Variants in PSD3 observed in about 807,000 individuals in gnomAD.
PSD3 encodes the protein pleckstrin and Sec7 domain containing 3, also known as PH and SEC7 domain-containing protein 3.
A neutral mutation model predicts 105.5 loss-of-function variants in PSD3; 49 were observed. The ratio of observed to expected loss-of-function variants is 0.46; its 90% CI spans 0.37 to 0.59. The LOEUF (loss-of-function observed/expected upper bound fraction) is 0.59. PSD3 is among the 20% of genes least tolerant of loss of function. The pLI is 0.00. For synonymous variants in PSD3, 557 were observed against 457.8 expected, an observed-to-expected ratio of 1.22 and a Z score of -2.77; for missense variants, 1,561 against 1,263.8, an observed-to-expected ratio of 1.24 and a Z score of -3.57.
intron 4 of PSD3, among the ~76,000 whole-genome samples, chr8:18,819,298 TA>T (rs1812491550): frequency 1.3e-5 from 2 of 152,000 alleles, no homozygotes; most frequent in Non-Finnish European, 1.5e-5. Context: ...AAGGAGAGGA[TA>T]AAGTAACAGG....
At position 18,771,292 on chromosome 8, in the gene PSD3, C is replaced by G. The variant is rs373330347; in HGVS notation, c.2083-5754G>C. Reference sequence around the variant, plus strand: ...TTGAGGGTGCAGCCCTCACTGGGGACCCATCCTCTTCTGCCCAGAATTTCC... The same window carrying G: ...TTGAGGGTGCAGCCCTCACTGGGGAGCCATCCTCTTCTGCCCAGAATTTCC... On this transcript the variant is annotated intron_variant, in intron 8 of 15. Coordinates refer to ENST00000327040, the MANE Select transcript of PSD3 (RefSeq NM_015310.4). Among the ~76,000 whole-genome samples the G allele has an allele frequency of 2.6e-4, 39 of 152,312 alleles. 2 individuals are homozygous for G. The highest frequency in any genetic ancestry group is 1.6e-3 in the Admixed American group (24 of 15,304).
upstream of PSD3, among the ~76,000 whole-genome samples, chr8:19,016,696 T>C (rs1827188557): frequency 2.0e-5 from 3 of 152,194 alleles, no homozygotes; most frequent in African/African-American, 7.2e-5. Context: ...ACTAGGTAAT[T>C]AATAAAGAAA....
Position 18,999,475 on chromosome 8 carries a change from C to A in PSD3, c.21+14088G>T, listed in dbSNP as rs576233213. ...TTACCAAGAATCAGTTGTGTTTGCA[C>A]CTGAATGGATTTGTCCTGGTTGTAC... On this transcript the variant is annotated intron_variant, in intron 1 of 15. Coordinates refer to ENST00000327040, the MANE Select transcript of PSD3 (RefSeq NM_015310.4). 9.9e-5 allele frequency among the ~76,000 whole-genome samples: 15 copies of A among 151,922 alleles called. 1 individual carries two copies. The highest frequency in any genetic ancestry group is 1.9e-4 in the Non-Finnish European group (13 of 67,938).
intron 10 of PSD3, among the ~76,000 whole-genome samples, chr8:18,636,396 A>C (rs1440697139): frequency 6.6e-6 from 1 of 152,226 alleles, no homozygotes; most frequent in African/African-American, 2.4e-5. Context: ...TTATTACCAA[A>C]AAGTTAAAAA....
intron 4 of PSD3, among the ~76,000 whole-genome samples, chr8:18,810,196 C>T (rs1811578030): frequency 6.6e-6 from 1 of 152,184 alleles, no homozygotes; most frequent in South Asian, 2.1e-4. Flanking sequence ...AATCTCATCG[C>T]TTTCACCTAC....
intron 1 of PSD3, among the ~76,000 whole-genome samples, chr8:18,976,632 C>T (rs1024100229): frequency 1.3e-5 from 2 of 152,086 alleles, no homozygotes; most frequent in African/African-American, 2.4e-5. Flanking sequence ...GGGATAATAA[C>T]AATAATCTAC....
At chr8:19,058,682 T>C (rs1432017053) in intron 1 of PSD3, among the ~76,000 whole-genome samples, 1 of 152,086 alleles carries the variant, frequency 6.6e-6, no homozygotes. Flanking sequence ...TTAAGCACAT[T>C]GTACAAAAGT....
chr8:18,695,983 G>A (rs1333061285), intron 9 of PSD3, among the ~76,000 whole-genome samples: 7 of 152,202 alleles, frequency 4.6e-5, no homozygotes, highest in Admixed American at 3.9e-4. Context: ...TCTGTGCTGA[G>A]CTGCCCAGAC....
intron 1 of PSD3, among the ~76,000 whole-genome samples, chr8:19,022,845 A>G (rs890517): frequency 0.9 from 135,215 of 151,020 alleles, 62,362 homozygotes; most frequent in East Asian, 1. Context: ...CCAAGATTGT[A>G]GAACAAAGTC....
intron 4 of PSD3, among the ~76,000 whole-genome samples, chr8:18,814,862 T>C (rs527584413): frequency 1.3e-5 from 2 of 152,298 alleles, no homozygotes; most frequent in African/African-American, 4.8e-5. Context: ...GTTGAATTAG[T>C]ATCAGTGTAT....
At chr8:18,842,652 G>A (rs772629860) in intron 4 of PSD3, among the ~76,000 whole-genome samples, 1 of 151,982 alleles carries the variant, frequency 6.6e-6, no homozygotes, top group Non-Finnish European at 1.5e-5. Flanking sequence ...AGAATGGCGT[G>A]AACCCGGGAT....
At position 18,755,433 on chromosome 8, in the gene PSD3, ATAAC is replaced by A. The variant is rs1563228575; in HGVS notation, c.2172+10012_2172+10015del. On this transcript the variant is annotated intron_variant, in intron 9 of 15. Transcript: ENST00000327040. ...CAACAGAGTGAGACCCTGTCTCAAC[ATAAC>A]ATAACATAACATAACATAACATAAC... 8.6e-3 allele frequency among the ~76,000 whole-genome samples: 1,211 copies of A among 141,514 alleles called. 22 individuals are homozygous for A. Among genetic ancestry groups the A allele is most frequent in the African/African-American group, 0.028 (1,040 of 37,398 alleles). The allele number at this position is 141,514 out of a possible 152,430, so 92.8% of individuals were successfully genotyped here.
intron 1 of PSD3, among the ~76,000 whole-genome samples, chr8:19,041,680 C>G (rs771468087): frequency 4.6e-5 from 7 of 152,220 alleles, no homozygotes; most frequent in Non-Finnish European, 8.8e-5. Context: ...ACACATTGGA[C>G]TACGCCCAGG....
intron 1 of PSD3, among the ~76,000 whole-genome samples, chr8:19,004,204 A>G (rs544455703): frequency 6.6e-6 from 1 of 152,152 alleles, no homozygotes; most frequent in African/African-American, 2.4e-5. Context: ...CTATACATAA[A>G]AGTCTCCAGA....
intron 4 of PSD3, among the ~76,000 whole-genome samples, chr8:18,858,230 C>A (rs531703765): frequency 1.3e-5 from 2 of 152,168 alleles, no homozygotes; most frequent in Non-Finnish European, 2.9e-5. Context: ...GTTAGGTTTA[C>A]GCTGTAGTTT....
intron 2 of PSD3, 32 bp from the exon 3 acceptor site, chr8:18,872,765 G>C (rs1460722524): frequency 1.3e-6 from 2 of 1,508,262 alleles, no homozygotes; most frequent in Non-Finnish European, 1.8e-6. Context: ...CATATGACTT[G>C]TTGTAGAAAG....
intron 8 of PSD3, among the ~76,000 whole-genome samples, chr8:18,765,980 C>CAAAA (rs1241116494): frequency 8.5e-6 from 1 of 118,100 alleles, no homozygotes; most frequent in Non-Finnish European, 2.0e-5. Context: ...AAAAAAAAAC[C>CAAAA]AAAAACAAAA....
At chr8:18,993,591 T>C (rs1157318630) in intron 1 of PSD3, among the ~76,000 whole-genome samples, 3 of 152,086 alleles carry the variant, frequency 2.0e-5, no homozygotes, top group Non-Finnish European at 2.9e-5. Context: ...TAAATTGTAA[T>C]ACTATTTCAT....
rs766554452 is a variant in PSD3, at chr8:18,872,331, C to T, written c.533G>A (p.Arg178His). The T allele has an allele frequency of 2.3e-5, 37 of 1,613,980 alleles. No individual in the cohort carries two copies. Among genetic ancestry groups the T allele is most frequent in the African/African-American group, 1.9e-4 (14 of 74,916 alleles). The change falls in exon 3 of 16, where the codon CGT becomes CAT. Residue 178 changes from arginine (R) to histidine (H), a missense_variant. By Grantham distance (29) the Arg-to-His change is conservative. Transcript: ENST00000327040. Reference protein sequence around the residue: ...QVEKELDTASRKTQRVNKTLP... With the variant: ...QVEKELDTASHKTQRVNKTLP... ...CGTTTTGTTGACTCTCTGTGTTTTACGACTGGCAGTGTCCAGCTCTTTTTC... is the reference window on the plus strand; with the variant it reads ...CGTTTTGTTGACTCTCTGTGTTTTATGACTGGCAGTGTCCAGCTCTTTTTC...
Sources: allele counts gnomAD v4.1 joint callset (sites outside exome capture counted in the v4.1 genomes callset), GRCh38; gene constraint gnomAD v4.1.1; transcripts MANE v1.5; gene names NCBI Gene and HGNC (gene_info 2026-07-23, HGNC 2026-07-21).